Variants in AMBRA1 observed in about 807,000 individuals in gnomAD.
AMBRA1 encodes the protein activating molecule in BECN1-regulated autophagy protein 1.
AMBRA1 carries 47 observed loss-of-function variants against 125.4 expected under a neutral mutation model. The observed-to-expected ratio is 0.37, with a 90% confidence interval of 0.30 to 0.48. AMBRA1 has a LOEUF of 0.48. Ranked by LOEUF, AMBRA1 falls within the 20% of genes least tolerant of loss-of-function variation. The probability of loss-of-function intolerance (pLI) is 0.99; values close to 1 mark genes in which losing one functional copy is unlikely to be tolerated. For missense variants in AMBRA1, 1,331 were observed against 1,693.4 expected, an observed-to-expected ratio of 0.79 and a Z score of 3.76; for synonymous variants, 626 against 655.5, an observed-to-expected ratio of 0.95 and a Z score of 0.69.
At chr11:46,546,286 T>C (rs1335538964) in intron 4 of AMBRA1, among the ~76,000 whole-genome samples, 1 of 152,124 alleles carries the variant, frequency 6.6e-6, no homozygotes, top group Non-Finnish European at 1.5e-5. Flanking sequence ...GCAATCCTCC[T>C]GTCTTGGTCT....
At chr11:46,572,753 G>C (rs895195005) in intron 1 of AMBRA1, among the ~76,000 whole-genome samples, 5 of 152,108 alleles carry the variant, frequency 3.3e-5, no homozygotes. Context: ...TTGAAAGGTA[G>C]GTGTTATCAT....
At chr11:46,539,920 C>G (rs1405934806) in intron 7 of AMBRA1, among the ~76,000 whole-genome samples, 1 of 152,132 alleles carries the variant, frequency 6.6e-6, no homozygotes, top group Admixed American at 6.5e-5. Flanking sequence ...CAACCTCCAT[C>G]TCCTGGGTTC....
chr11:46,487,530 A>T (rs750911870), intron 11 of AMBRA1, among the ~76,000 whole-genome samples: 1 of 152,122 alleles, frequency 6.6e-6, no homozygotes, highest in Non-Finnish European at 1.5e-5. Flanking sequence ...ATACATATAG[A>T]TGTAATATTA....
chr11:46,500,169 G>C (rs556555116), intron 9 of AMBRA1, among the ~76,000 whole-genome samples: 2 of 152,312 alleles, frequency 1.3e-5, no homozygotes, highest in Admixed American at 6.5e-5. Context: ...TGTGGGGCCA[G>C]CAGGCATTGA....
chr11:46,453,379 C>T (rs999264297), intron 11 of AMBRA1, among the ~76,000 whole-genome samples: 2 of 152,076 alleles, frequency 1.3e-5, no homozygotes, highest in African/African-American at 2.4e-5. Context: ...AATCCACCCA[C>T]CTCAGCATCC....
rs183677497 is a variant in AMBRA1, at chr11:46,425,278, G to A, written c.2977-7226C>T. Among the ~76,000 whole-genome samples, 823 of 151,470 alleles carry A rather than the reference G, an allele frequency of 5.4e-3. 7 individuals are homozygous for A. The highest frequency in any genetic ancestry group is 7.1e-3 in the Non-Finnish European group (483 of 67,906). On this transcript the variant is annotated intron_variant, in intron 14 of 17. Transcript: ENST00000683756. ...AGTTCTAGAGATTCACCTTGGATAA[G>A]ACAATGCTTCTGTATCTTTTGCTTG...
intron 12 of AMBRA1, among the ~76,000 whole-genome samples, chr11:46,435,398 G>T (rs1947671638): frequency 6.6e-6 from 1 of 152,154 alleles, no homozygotes; most frequent in African/African-American, 2.4e-5. Context: ...TCAAAACCAA[G>T]ATAAATGAAA....
chr11:46,533,046 C>T (rs1952290120), intron 7 of AMBRA1, among the ~76,000 whole-genome samples: 2 of 152,046 alleles, frequency 1.3e-5, no homozygotes, highest in South Asian at 2.1e-4. Flanking sequence ...ACTTGTAATC[C>T]CAGCTACTCG....
intron 17 of AMBRA1, among the ~76,000 whole-genome samples, chr11:46,398,299 T>C (rs772160762): frequency 1.3e-5 from 2 of 152,180 alleles, no homozygotes; most frequent in Admixed American, 6.5e-5. Flanking sequence ...GCCTGCTCCC[T>C]GTTGTGGAAA....
chr11:46,573,630 G>A (rs1325148862), intron 1 of AMBRA1, among the ~76,000 whole-genome samples: 3 of 150,448 alleles, frequency 2.0e-5, no homozygotes, highest in African/African-American at 7.3e-5. Context: ...GGTCTTCCAG[G>A]GTTTCTCTTT....
Position 46,550,717 on chromosome 11 carries a change from A to C in AMBRA1, c.-120-2217T>G, listed in dbSNP as rs80110871. Among the ~76,000 whole-genome samples, 50 of 152,226 alleles carry C rather than the reference A, an allele frequency of 3.3e-4. 4 individuals carry two copies. The East Asian group carries it at 9.7e-3, about 29-fold the overall frequency. ...TTATTGCTTACAATAGCAAAAACTGAGGATAACCAAGTGTCCATCTAAAGG... is the reference window on the plus strand; with the variant it reads ...TTATTGCTTACAATAGCAAAAACTGCGGATAACCAAGTGTCCATCTAAAGG... On this transcript the variant is annotated intron_variant, in intron 1 of 17. Transcript: ENST00000683756.
At chr11:46,567,420 G>A (rs1181486804) in intron 1 of AMBRA1, among the ~76,000 whole-genome samples, 1 of 151,736 alleles carries the variant, frequency 6.6e-6, no homozygotes, top group African/African-American at 2.4e-5. Flanking sequence ...AGGTGGGAGT[G>A]CAGTGGCGCC....
At chr11:46,497,655 C>T (rs1473892323) in intron 9 of AMBRA1, among the ~76,000 whole-genome samples, 2 of 152,194 alleles carry the variant, frequency 1.3e-5, no homozygotes, top group Non-Finnish European at 2.9e-5. Context: ...CAAACATTTA[C>T]TGAGCAGGTA....
At chr11:46,464,996 A>T (rs1189838735) in intron 11 of AMBRA1, among the ~76,000 whole-genome samples, 1 of 152,156 alleles carries the variant, frequency 6.6e-6, no homozygotes, top group Non-Finnish European at 1.5e-5. Context: ...GTGAGCTGCG[A>T]TCGCGCCACC....
chr11:46,562,755 A>T (rs2043377798), intron 1 of AMBRA1, among the ~76,000 whole-genome samples: 1 of 151,456 alleles, frequency 6.6e-6, no homozygotes, highest in Admixed American at 6.6e-5. Flanking sequence ...AGAAACTTAA[A>T]TTTTTCCTAT....
At position 46,542,226 on chromosome 11, in the gene AMBRA1, A is replaced by G. The variant is rs2135167227; in HGVS notation, c.1791T>C (p.Ser597=). Residue 597 remains serine, a synonymous_variant, in exon 7 of 18, where the codon AGT becomes AGC. Coordinates refer to ENST00000683756, the MANE Select transcript of AMBRA1 (RefSeq NM_001387011.1). This position sits in a 1 kb window ranked among gnomAD's most constrained non-coding sequence, Gnocchi z 5.9. The stretch of plus-strand genomic sequence containing the variant: ...AGGAGCTGGGGACCTGCCAAGAGGA[A>G]CTAGCCTCGCCAGAGGAGTAGTTAG... ...TTPNYSSGEA[S]SSWQVPSSFE... is the part of the protein sequence containing the mutation. 1.2e-6 allele frequency: 2 copies of G among 1,614,126 alleles called. No individual in the cohort carries two copies. Among genetic ancestry groups the G allele is most frequent in the Non-Finnish European group, 1.7e-6 (2 of 1,180,008 alleles).
intron 7 of AMBRA1, among the ~76,000 whole-genome samples, chr11:46,520,383 AAT>A (rs1487364746): frequency 6.6e-6 from 1 of 152,138 alleles, no homozygotes; most frequent in African/African-American, 2.4e-5. Context: ...TTATTATAAA[AAT>A]AGTTTTGACT....
intron 14 of AMBRA1, among the ~76,000 whole-genome samples, chr11:46,422,358 C>A (rs1009572775): frequency 6.6e-6 from 1 of 152,084 alleles, no homozygotes; most frequent in African/African-American, 2.4e-5. Flanking sequence ...TTAGTGCAGT[C>A]TCAGCATGTT....
chr11:46,433,298 A>G (rs1034670648), intron 14 of AMBRA1, among the ~76,000 whole-genome samples, 176 bp downstream of exon 14: 1 of 152,210 alleles, frequency 6.6e-6, no homozygotes, highest in Non-Finnish European at 1.5e-5. Flanking sequence ...GATAGTCCAG[A>G]GCTTCCACAA....
Sources: allele counts gnomAD v4.1 joint callset (sites outside exome capture counted in the v4.1 genomes callset), GRCh38; gene constraint gnomAD v4.1.1; non-coding constraint Gnocchi (gnomAD v3.1); transcripts MANE v1.5; gene names NCBI Gene and HGNC (gene_info 2026-07-23, HGNC 2026-07-21).